The following CGNL1 variants were observed in gnomAD, a reference collection of about 807,000 sequenced individuals.
CGNL1 encodes the protein cingulin-like protein 1.
CGNL1 carries 132 observed loss-of-function variants against 141.2 expected under a neutral mutation model. The observed-to-expected ratio is 0.93, with a 90% CI of 0.81 to 1.08. CGNL1 has a LOEUF of 1.08. Ranked by LOEUF, CGNL1 falls within the 50% of genes least tolerant of loss-of-function variation. CGNL1 has a pLI of 0.00. For missense variants in CGNL1, 1,870 were observed against 1,588.6 expected (o/e 1.18, Z -3.01); for synonymous variants, 690 against 622.1 (o/e 1.11, Z -1.63).
chr15:57,428,550 G>C (rs1183271735), intron 1 of CGNL1, among the ~76,000 whole-genome samples: 1 of 152,192 alleles, frequency 6.6e-6, no homozygotes, highest in Non-Finnish European at 1.5e-5. Flanking sequence ...TAATCTACCA[G>C]AGAAGCCGTG....
intron 14 of CGNL1, among the ~76,000 whole-genome samples, chr15:57,532,306 C>G (rs1653000670): frequency 1.3e-5 from 2 of 152,210 alleles, no homozygotes; most frequent in South Asian, 4.1e-4. Flanking sequence ...TCCCAAAATG[C>G]TTCCATATTT....
intron 7 of CGNL1, among the ~76,000 whole-genome samples, chr15:57,454,397 C>G (rs1304462071): frequency 6.6e-6 from 1 of 152,188 alleles, no homozygotes; most frequent in Non-Finnish European, 1.5e-5. Context: ...TTTTCTCTCT[C>G]CCTTACTTGG....
intron 1 of CGNL1, among the ~76,000 whole-genome samples, chr15:57,418,145 GCTT>G (rs1238582580): frequency 2.0e-5 from 3 of 152,092 alleles, no homozygotes; most frequent in Non-Finnish European, 4.4e-5. Context: ...AGGAGAGGAG[GCTT>G]CTTGTCTGTG....
rs537694537 is a variant in CGNL1 at position 57,443,690 on chromosome 15, A to G, written c.1803+1212A>G. On this transcript the variant is annotated intron_variant, in intron 4 of 18. Coordinates refer to ENST00000281282, the MANE Select transcript of CGNL1 (RefSeq NM_032866.5). ...CACCATAGTCCTTGCGTATTACACC[A>G]TAGTCCTTGCATATACATAGCCTTG... Among the ~76,000 whole-genome samples the G allele has an allele frequency of 2.6e-5, 4 of 152,308 alleles. No homozygotes were observed. In the South Asian group the frequency reaches 6.2e-4, roughly 24 times the overall value.
intron 7 of CGNL1, among the ~76,000 whole-genome samples, chr15:57,457,609 G>T (rs527605257): frequency 6.6e-6 from 1 of 152,146 alleles, no homozygotes; most frequent in African/African-American, 2.4e-5. Flanking sequence ...GGCCAGGGAG[G>T]CCTCATAATC....
intron 1 of CGNL1, among the ~76,000 whole-genome samples, chr15:57,416,207 T>G (rs1194338413): frequency 3.5e-5 from 5 of 141,816 alleles, no homozygotes; most frequent in African/African-American, 7.7e-5. Flanking sequence ...GTTTTTTTTT[T>G]TTTTTTTTAA....
intron 2 of CGNL1, 138 bp downstream of exon 2, chr15:57,439,739 G>A: frequency 1.1e-6 from 1 of 911,474 alleles, no homozygotes; most frequent in Non-Finnish European, 1.6e-6. Flanking sequence ...ATCTGTTTCA[G>A]GATCCAGTTG....
chr15:57,420,908 C>A (rs11858037), intron 1 of CGNL1, among the ~76,000 whole-genome samples: 43,539 of 152,072 alleles, frequency 0.29, 6,697 homozygotes, highest in Non-Finnish European at 0.35. Context: ...ACTATTTTCC[C>A]ATCCCCTTGC....
chr15:57,409,566 A>G (rs2062762840), intron 1 of CGNL1, among the ~76,000 whole-genome samples: 1 of 152,252 alleles, frequency 6.6e-6, no homozygotes, highest in Non-Finnish European at 1.5e-5. Context: ...ATGGAGAAGT[A>G]TGGCTGAGAG....
chr15:57,517,129 A>C, intron 9 of CGNL1, 143 bp downstream of exon 9: 1 of 809,292 alleles, frequency 1.2e-6, no homozygotes, highest in South Asian at 1.8e-5. Flanking sequence ...CCTCTCTGCA[A>C]GCCATTTCTT....
chr15:57,408,977 G>C (rs1767482999), intron 1 of CGNL1, among the ~76,000 whole-genome samples: 1 of 151,534 alleles, frequency 6.6e-6, no homozygotes, highest in South Asian at 2.1e-4. Flanking sequence ...GGAGGTGGAG[G>C]TTGCAGTGAG....
chr15:57,404,343 G>A (rs1036872095), intron 1 of CGNL1, among the ~76,000 whole-genome samples: 12 of 152,112 alleles, frequency 7.9e-5, no homozygotes, highest in Admixed American at 5.2e-4. Context: ...ATTTATGAAC[G>A]CTCAGAGTTT....
At chr15:57,411,428 GTTTTCTTT>G in intron 1 of CGNL1, among the ~76,000 whole-genome samples, 1 of 151,404 alleles carries the variant, frequency 6.6e-6, no homozygotes, top group South Asian at 2.1e-4. Context: ...GATGCCACTA[GTTTTCTTT>G]TTTTCTTTTT....
chr15:57,425,987 C>A (rs2062968480), intron 1 of CGNL1, among the ~76,000 whole-genome samples: 1 of 151,716 alleles, frequency 6.6e-6, no homozygotes, highest in Non-Finnish European at 1.5e-5. Flanking sequence ...CTTTACTCAC[C>A]AATTCTAGGG....
intron 1 of CGNL1, among the ~76,000 whole-genome samples, chr15:57,409,182 G>A (rs2062758547): frequency 6.6e-6 from 1 of 152,192 alleles, no homozygotes; most frequent in African/African-American, 2.4e-5. Flanking sequence ...CTGAAATCTG[G>A]TCCAGGGGAG....
At chr15:57,479,253 G>A (rs2063694995) in intron 8 of CGNL1, among the ~76,000 whole-genome samples, 1 of 152,196 alleles carries the variant, frequency 6.6e-6, no homozygotes, top group South Asian at 2.1e-4. Flanking sequence ...TGTGGAGGAT[G>A]GGAGTGAAAA....
rs376703525 is a variant in CGNL1 at position 57,524,725 on chromosome 15, C to A, written c.3013C>A (p.Leu1005Met). 106 of 1,614,068 alleles carry A rather than the reference C, an allele frequency of 6.6e-5. No individual in the cohort carries two copies. The highest frequency in any genetic ancestry group is 8.7e-5 in the Non-Finnish European group (103 of 1,180,024). The change falls in exon 12 of 19, where the codon CTG becomes ATG. Residue 1005 changes from leucine to methionine, a missense_variant. By Grantham distance (15) the Leu-to-Met change is conservative. Transcript: ENST00000281282. Reference protein sequence around the residue: ...EKTLEAEKSRLTAMKMQDEMR... With the variant: ...EKTLEAEKSRMTAMKMQDEMR... ...AACGCTGGAGGCAGAAAAGTCCCGA[C>A]TGACAGCCATGAAAATGCAGGATGA...
intron 4 of CGNL1, among the ~76,000 whole-genome samples, chr15:57,443,409 A>G (rs973692829): frequency 1.3e-5 from 2 of 152,216 alleles, no homozygotes; most frequent in Non-Finnish European, 2.9e-5. Flanking sequence ...TTGCTTGTCC[A>G]TCTTCCTTTC....
intron 7 of CGNL1, among the ~76,000 whole-genome samples, chr15:57,458,522 A>G (rs2063406769): frequency 6.6e-6 from 1 of 152,244 alleles, no homozygotes; most frequent in African/African-American, 2.4e-5. Context: ...GGCAGCACAC[A>G]AAAGGCAACA....
Sources: gnomAD v4.1 joint callset for allele counts (sites outside exome capture counted in the v4.1 genomes callset) on GRCh38, gnomAD v4.1.1 for gene constraint, MANE v1.5 for transcripts, NCBI Gene and HGNC (gene_info 2026-07-23, HGNC 2026-07-21) for gene names.